The following POLR3B variants were observed in gnomAD, a reference collection of about 807,000 sequenced individuals.
The protein encoded by POLR3B is RNA polymerase III subunit B, also known as DNA-directed RNA polymerase III subunit RPC2.
POLR3B carries 96 observed loss-of-function variants against 147.4 expected under a neutral mutation model. The observed-to-expected ratio is 0.65, with a 90% CI of 0.55 to 0.77. The LOEUF (loss-of-function observed/expected upper bound fraction) is 0.77, where lower values mean the gene tolerates loss of function less well. POLR3B is among the 30% of genes least tolerant of loss of function. The pLI is 0.00. For synonymous variants in POLR3B, 461 were observed against 485.9 expected, an observed-to-expected ratio of 0.95 and a Z score of 0.67; for missense variants, 1,036 against 1,413.5, an observed-to-expected ratio of 0.73 and a Z score of 4.28.
chr12:106,459,472 G>T, intron 22 of POLR3B, 104 bp downstream of exon 22: 1 of 754,774 alleles, frequency 1.3e-6, no homozygotes, highest in East Asian at 2.5e-5. Flanking sequence ...ACTAGAAATA[G>T]CAATTTGGGG....
At chr12:106,449,954 C>T (rs2037775716) in intron 19 of POLR3B, among the ~76,000 whole-genome samples, 2 of 151,946 alleles carry the variant, frequency 1.3e-5, no homozygotes, top group African/African-American at 4.8e-5. Context: ...AATTTTGAAA[C>T]AAAGAATAAG....
intron 11 of POLR3B, among the ~76,000 whole-genome samples, chr12:106,409,346 G>GT (rs138257827): frequency 0.26 from 17,186 of 66,864 alleles, 4,077 homozygotes; most frequent in Non-Finnish European, 0.31. Context: ...TTGTAAGAGG[G>GT]TTTTTTTTGT....
chr12:106,370,447 G>A (rs1394996682), intron 6 of POLR3B, among the ~76,000 whole-genome samples: 1 of 152,032 alleles, frequency 6.6e-6, no homozygotes, highest in Non-Finnish European at 1.5e-5. Flanking sequence ...TTTGGTAAGG[G>A]GTCTAGAAGT....
At position 106,430,462 on chromosome 12, in the gene POLR3B, C is replaced by T; in HGVS notation, c.1453C>T (p.Pro485Ser). Residue 485 changes from proline (P) to serine (S), a missense_variant, in exon 14 of 28, where the codon CCT becomes TCT. Physicochemically the swap from Pro to Ser is moderately conservative, Grantham distance 74 (BLOSUM62 -1). This residue lies in a region of POLR3B where 177 missense variants were observed against 232.7 expected (regional missense o/e 0.76). Transcript: ENST00000228347. ...GGGAATGCTGTGTCCTTCGGACACT[C>T]CTGAAGGAGAGGTAAGGAATCTGAG... Reference protein sequence around the residue: ...QWGMLCPSDTPEGEACGLVKN... With the variant: ...QWGMLCPSDTSEGEACGLVKN... 1 of 1,611,054 alleles carries T rather than the reference C, an allele frequency of 6.2e-7. No homozygotes were observed. Among genetic ancestry groups the T allele is most frequent in the Non-Finnish European group, 8.5e-7 (1 of 1,178,308 alleles).
At chr12:106,425,558 A>G (rs753190427) in intron 12 of POLR3B, among the ~76,000 whole-genome samples, 44 of 152,088 alleles carry the variant, frequency 2.9e-4, no homozygotes, top group Non-Finnish European at 4.1e-4. Context: ...GTTGCTTCCT[A>G]TGCAAGAAAG....
At chr12:106,398,327 C>G (rs576563442) in intron 10 of POLR3B, among the ~76,000 whole-genome samples, 1 of 152,170 alleles carries the variant, frequency 6.6e-6, no homozygotes, top group Non-Finnish European at 1.5e-5. Context: ...GTAAACAAAG[C>G]GGCTGGGAAG....
At chr12:106,494,371 C>G (rs571343310) in intron 23 of POLR3B, among the ~76,000 whole-genome samples, 4 of 152,192 alleles carry the variant, frequency 2.6e-5, no homozygotes, top group African/African-American at 9.6e-5. Flanking sequence ...CAGCCTCCTC[C>G]TGCGAACTGC....
At chr12:106,384,936 C>CT (rs2036814777) in intron 9 of POLR3B, among the ~76,000 whole-genome samples, 1 of 151,880 alleles carries the variant, frequency 6.6e-6, no homozygotes, top group Non-Finnish European at 1.5e-5. Flanking sequence ...AGCTATTCTC[C>CT]TGCCTCAGCC....
Position 106,437,736 on chromosome 12 carries a change from GA to G in POLR3B, c.1916del (p.Asn639MetfsTer59). ...GGTTGAATATTTAGATGTGAATGAAGAAAATGATTGTAACATTGCACTGTAC... is the reference window on the plus strand; with the variant it reads ...GGTTGAATATTTAGATGTGAATGAAGAAATGATTGTAACATTGCACTGTAC... ...SLVEYLDVNE[E>X]NDCNIALYEH... is the part of the protein sequence containing the mutation. On this transcript the variant is annotated frameshift_variant, in exon 18 of 28. Transcript: ENST00000228347. LOFTEE classifies it high-confidence loss of function. The G allele has an allele frequency of 1.2e-6, 2 of 1,603,274 alleles. No individual in the cohort carries two copies. Among genetic ancestry groups the G allele is most frequent in the Non-Finnish European group, 1.7e-6 (2 of 1,170,356 alleles).
chr12:106,498,674 C>CG (rs1418684462), intron 25 of POLR3B, among the ~76,000 whole-genome samples: 11 of 151,624 alleles, frequency 7.3e-5, no homozygotes, highest in Non-Finnish European at 1.5e-4. Context: ...CTCTGCTTCC[C>CG]GGGGGGGTTC....
chr12:106,496,626 AT>A, intron 24 of POLR3B, 125 bp from the exon 25 acceptor site: 1 of 830,064 alleles, frequency 1.2e-6, no homozygotes, highest in Non-Finnish European at 2.0e-6. Context: ...TCAAGCTTAA[AT>A]ACTGCTTCTA....
chr12:106,371,564 A>T (rs2036607490), intron 6 of POLR3B, among the ~76,000 whole-genome samples: 1 of 151,118 alleles, frequency 6.6e-6, no homozygotes, highest in Admixed American at 6.6e-5. Context: ...GATAGACTGG[A>T]TTAAGAAAAT....
intron 9 of POLR3B, 71 bp from the exon 10 acceptor site, chr12:106,392,960 A>C (rs936225881): frequency 8.1e-6 from 13 of 1,596,582 alleles, no homozygotes; most frequent in Non-Finnish European, 1.1e-5. Context: ...AACAATGCCA[A>C]ATTAGCATAA....
chr12:106,444,329 A>G (rs1202945405), intron 18 of POLR3B, 134 bp from the exon 19 acceptor site: 3 of 781,404 alleles, frequency 3.8e-6, no homozygotes, highest in Non-Finnish European at 6.6e-6. Flanking sequence ...TTATTTTACC[A>G]GTTTTACTAG....
chr12:106,423,325 TA>T (rs1004094880), intron 12 of POLR3B, among the ~76,000 whole-genome samples: 1 of 152,210 alleles, frequency 6.6e-6, no homozygotes, highest in African/African-American at 2.4e-5. Flanking sequence ...AAGACATGAC[TA>T]AAATTTTTCA....
intron 12 of POLR3B, among the ~76,000 whole-genome samples, chr12:106,422,169 T>G (rs563058035): frequency 1.8e-4 from 28 of 152,272 alleles, no homozygotes; most frequent in African/African-American, 6.5e-4. Context: ...GGGAGGTGAT[T>G]GGGTCATGGG....
chr12:106,474,861 T>G (rs1019096794), intron 23 of POLR3B, among the ~76,000 whole-genome samples: 1 of 151,998 alleles, frequency 6.6e-6, no homozygotes, highest in Non-Finnish European at 1.5e-5. Flanking sequence ...GTGTCTCTAT[T>G]TCTTTCAGTT....
intron 12 of POLR3B, 92 bp from the exon 13 acceptor site, chr12:106,427,100 CATCTT>C: frequency 1.2e-6 from 1 of 812,246 alleles, no homozygotes; most frequent in Non-Finnish European, 2.0e-6. Flanking sequence ...GCAGTTTCTC[CATCTT>C]ATTTTTTAAA....
At chr12:106,410,341 A>G (rs10861598) in intron 11 of POLR3B, 61,221 of 156,996 alleles carry the variant, frequency 0.39, 14,258 homozygotes, top group African/African-American at 0.66. Context: ...TTGATTTTCC[A>G]TTTCATTGGG....
Sources: gnomAD v4.1 joint callset for allele counts (sites outside exome capture counted in the v4.1 genomes callset) on GRCh38, gnomAD v4.1.1 for gene constraint, gnomAD v4.1.1 regional missense constraint, MANE v1.5 for transcripts, NCBI Gene and HGNC (gene_info 2026-07-23, HGNC 2026-07-21) for gene names.